The following RNF130 variants were observed in gnomAD, a reference collection of about 807,000 sequenced individuals.
RNF130 encodes E3 ubiquitin-protein ligase RNF130.
RNF130 carries 21 observed loss-of-function variants against 44.6 expected under a neutral mutation model. The observed-to-expected ratio is 0.47, with a 90% confidence interval of 0.33 to 0.68. The LOEUF (loss-of-function observed/expected upper bound fraction) is 0.68, where lower values mean the gene tolerates loss of function less well. Ranked by LOEUF, RNF130 falls within the 30% of genes least tolerant of loss-of-function variation. The pLI, the probability that RNF130 is intolerant of heterozygous loss-of-function variation, is 0.02. For synonymous variants in RNF130, 214 were observed against 210.4 expected, an observed-to-expected ratio of 1.02 and a Z score of -0.15; for missense variants, 479 against 560.6, an observed-to-expected ratio of 0.85 and a Z score of 1.47.
chr5:179,965,358 A>G lies in RNF130; in HGVS notation c.1150+1448T>C, dbSNP rs113298248. Among the ~76,000 whole-genome samples, 555 of 152,368 alleles carry G rather than the reference A, an allele frequency of 3.6e-3. 4 individuals carry two copies. Among genetic ancestry groups the G allele is most frequent in the African/African-American group, 0.013 (523 of 41,596 alleles). ...AGGGCTTCGGAGGGAAAGCAGAGGTAGCTGTGGTTTAGTTCAATCACGTGG... is the reference window on the plus strand; with the variant it reads ...AGGGCTTCGGAGGGAAAGCAGAGGTGGCTGTGGTTTAGTTCAATCACGTGG... On this transcript the variant is annotated intron_variant, in intron 7 of 8. Coordinates refer to ENST00000521389, the MANE Select transcript of RNF130 (RefSeq NM_018434.6).
rs767980214 is a variant in RNF130 at position 179,978,872 on chromosome 5, GATTA to G, written c.766-591_766-588del. Among the ~76,000 whole-genome samples, 7 of 152,164 alleles carry G rather than the reference GATTA, an allele frequency of 4.6e-5. No homozygotes were observed. The East Asian group carries it at 5.8e-4, about 13-fold the overall frequency. On this transcript the variant is annotated intron_variant, in intron 4 of 8. Coordinates refer to ENST00000521389, the MANE Select transcript of RNF130 (RefSeq NM_018434.6). ...GAGTCAGCCAGGTATTCAGACACCA[GATTA>G]ATTGATTTCCTTCCTCCTAGGACTG... is the stretch of plus-strand genomic sequence containing the variant.
At chr5:180,009,593 AG>A (rs942278679) in intron 3 of RNF130, among the ~76,000 whole-genome samples, 77 of 152,336 alleles carry the variant, frequency 5.1e-4, no homozygotes, top group African/African-American at 1.6e-3. Context: ...GAGAGTGTGG[AG>A]GAACTGGATC....
At chr5:179,985,444 C>T (rs1336930327) in intron 3 of RNF130, among the ~76,000 whole-genome samples, 1 of 152,088 alleles carries the variant, frequency 6.6e-6, no homozygotes, top group Non-Finnish European at 1.5e-5. Flanking sequence ...ACCCCCTGCT[C>T]TAGAGGTTGA....
At chr5:179,981,693 A>G (rs1762845061) in intron 3 of RNF130, among the ~76,000 whole-genome samples, 1 of 152,206 alleles carries the variant, frequency 6.6e-6, no homozygotes. Flanking sequence ...AGTAACAATG[A>G]TTAATCAACA....
At chr5:179,914,156 C>G (rs1425926908) in exon 8 of RNF130, 1 of 152,254 alleles carries the variant, frequency 6.6e-6, no homozygotes, top group Non-Finnish European at 1.5e-5. Flanking sequence ...GCTTTACCAA[C>G]AAGGCCAAAA....
intron 1 of RNF130, among the ~76,000 whole-genome samples, chr5:180,061,334 G>C (rs1020321592): frequency 1.3e-5 from 2 of 152,158 alleles, no homozygotes; most frequent in East Asian, 1.9e-4. Context: ...AGTATAGCTC[G>C]ACTCTCTCCT....
At chr5:180,007,625 A>G (rs1358063898) in intron 3 of RNF130, among the ~76,000 whole-genome samples, 2 of 152,208 alleles carry the variant, frequency 1.3e-5, no homozygotes, top group Non-Finnish European at 2.9e-5. Flanking sequence ...AAGGAGGAAA[A>G]AAGGTCAGAA....
chr5:179,980,380 GAAAAGTA>G, intron 3 of RNF130, 180 bp from the exon 4 acceptor site: 1 of 574,620 alleles, frequency 1.7e-6, no homozygotes, highest in Non-Finnish European at 3.1e-6. Context: ...CATTCTGGTT[GAAAAGTA>G]AAAAGTGTTA....
intron 1 of RNF130, among the ~76,000 whole-genome samples, chr5:180,044,225 A>G (rs550862363): frequency 6.6e-6 from 1 of 152,340 alleles, no homozygotes; most frequent in South Asian, 2.1e-4. Context: ...GCCAACTTTT[A>G]TAAGAGGATA....
At chr5:179,959,751 GGAA>G (rs1207976411) in intron 8 of RNF130, among the ~76,000 whole-genome samples, 4 of 152,198 alleles carry the variant, frequency 2.6e-5, no homozygotes, top group Non-Finnish European at 5.9e-5. Context: ...ACTAAGAGGA[GGAA>G]GATCACCGGG....
intron 3 of RNF130, among the ~76,000 whole-genome samples, chr5:179,996,487 A>G (rs1190812584): frequency 6.6e-6 from 1 of 152,176 alleles, no homozygotes; most frequent in Non-Finnish European, 1.5e-5. Flanking sequence ...GTGTTGAAGT[A>G]TGTTCTTTCT....
intron 3 of RNF130, among the ~76,000 whole-genome samples, chr5:179,983,295 T>C (rs1762880483): frequency 6.6e-6 from 1 of 152,070 alleles, no homozygotes. Flanking sequence ...TATTTAGGGT[T>C]CTGACTCATT....
intron 3 of RNF130, among the ~76,000 whole-genome samples, chr5:179,999,587 T>C (rs867005460): frequency 5.9e-5 from 9 of 152,104 alleles, no homozygotes; most frequent in Non-Finnish European, 7.4e-5. Context: ...CCGGGCTTGG[T>C]GGTAGGCACC....
rs1205914690 is a variant in RNF130 at position 180,055,248 on chromosome 5, C to CAAAAAA, written c.248-14607_248-14602dup. On this transcript the variant is annotated intron_variant, in intron 1 of 8. Coordinates refer to ENST00000521389, the MANE Select transcript of RNF130 (RefSeq NM_018434.6). The stretch of plus-strand genomic sequence containing the variant: ...TGGGCAACAGAGTGAGGTTCTGTCT[C>CAAAAAA]AAAAAAAAAAAAAAAAAAAAAAAAA... 3.3e-4 allele frequency among the ~76,000 whole-genome samples: 7 copies of CAAAAAA among 20,978 alleles called. No homozygotes were observed. In the East Asian group the frequency reaches 3.7e-3, roughly 11 times the overall value. 13.8% of individuals were successfully genotyped at this position (20,978 alleles called of 152,430 possible).
intron 6 of RNF130, among the ~76,000 whole-genome samples, chr5:179,967,639 G>A (rs1304941143): frequency 1.3e-5 from 2 of 152,234 alleles, no homozygotes; most frequent in African/African-American, 2.4e-5. Context: ...AAAGTCTTCC[G>A]TTGTAACAAT....
chr5:180,020,876 C>A lies in RNF130; in HGVS notation c.443-7565G>T, dbSNP rs544519491. 1.6e-4 allele frequency among the ~76,000 whole-genome samples: 24 copies of A among 152,312 alleles called. 1 individual carries two copies. The South Asian group carries it at 4.1e-3, about 26-fold the overall frequency. On this transcript the variant is annotated intron_variant, in intron 2 of 8. Coordinates refer to ENST00000521389, the MANE Select transcript of RNF130 (RefSeq NM_018434.6). ...GTGAAGAATTTCCAGGGGTTGCCAA[C>A]TTTCAACACAACACAGGAACTCCCA...
At chr5:180,001,493 T>A (rs181987518) in intron 3 of RNF130, among the ~76,000 whole-genome samples, 1 of 152,332 alleles carries the variant, frequency 6.6e-6, no homozygotes, top group East Asian at 1.9e-4. Flanking sequence ...GAGTCTACTT[T>A]GTAGCTGTGA....
At chr5:179,981,261 T>C (rs1483625615) in intron 3 of RNF130, among the ~76,000 whole-genome samples, 1 of 152,144 alleles carries the variant, frequency 6.6e-6, no homozygotes, top group Non-Finnish European at 1.5e-5. Context: ...ACACTCACAC[T>C]GGGACAAGGG....
chr5:179,931,416 T>C (rs1761806308), intron 7 of RNF130, among the ~76,000 whole-genome samples: 1 of 152,194 alleles, frequency 6.6e-6, no homozygotes, highest in Non-Finnish European at 1.5e-5. Flanking sequence ...GTAGCTTTTT[T>C]GTTTTTTGTT....
Sources: gnomAD v4.1 joint callset for allele counts (sites outside exome capture counted in the v4.1 genomes callset) on GRCh38, gnomAD v4.1.1 for gene constraint, MANE v1.5 for transcripts, NCBI Gene and HGNC (gene_info 2026-07-23, HGNC 2026-07-21) for gene names.